The following SFTPD variants were observed in gnomAD, a reference collection of about 807,000 sequenced individuals.
SFTPD encodes the protein pulmonary surfactant-associated protein D.
A neutral mutation model predicts 34.6 loss-of-function variants in SFTPD; 18 were observed. The ratio of observed to expected loss-of-function variants is 0.52; its 90% confidence interval spans 0.36 to 0.77. The LOEUF (loss-of-function observed/expected upper bound fraction) is 0.77, where lower values mean the gene tolerates loss of function less well. SFTPD is among the 30% of genes least tolerant of loss of function. SFTPD has a pLI of 0.00. For missense variants in SFTPD, 433 were observed against 468.9 expected (o/e 0.92, Z 0.71); for synonymous variants, 155 against 180.9 (o/e 0.86, Z 1.15).
intron 1 of SFTPD, chr10:79,982,359 C>T: frequency 9.7e-7 from 1 of 1,034,028 alleles, no homozygotes; most frequent in Non-Finnish European, 1.3e-6. Flanking sequence ...GCCCTGGCAG[C>T]CCCGCGCAGC....
intron 1 of SFTPD, among the ~76,000 whole-genome samples, chr10:79,963,304 C>T (rs1364567931): frequency 6.6e-6 from 1 of 151,272 alleles, no homozygotes; most frequent in South Asian, 2.1e-4. Flanking sequence ...TGAGCTATGA[C>T]CACCACTGCA....
At chr10:79,956,431 A>G (rs796407281) in intron 1 of SFTPD, among the ~76,000 whole-genome samples, 1 of 152,268 alleles carries the variant, frequency 6.6e-6, no homozygotes, top group Admixed American at 6.5e-5. Context: ...TGGCACCTGG[A>G]AAATCGGGTC....
intron 1 of SFTPD, among the ~76,000 whole-genome samples, chr10:79,977,921 C>A (rs1842871725): frequency 6.6e-6 from 1 of 152,176 alleles, no homozygotes; most frequent in Admixed American, 6.5e-5. Context: ...AACCTGTTCT[C>A]CAGCACCACC....
At chr10:79,965,433 C>T (rs868199104) in intron 1 of SFTPD, among the ~76,000 whole-genome samples, 54 of 152,082 alleles carry the variant, frequency 3.6e-4, no homozygotes, top group South Asian at 6.2e-4. Context: ...CACATCGCCC[C>T]TAATCCCGCT....
At chr10:79,954,984 A>G (rs1458186864) in intron 1 of SFTPD, among the ~76,000 whole-genome samples, 1 of 152,142 alleles carries the variant, frequency 6.6e-6, no homozygotes, top group Non-Finnish European at 1.5e-5. Context: ...CACTTGATAC[A>G]CCACTTCCTT....
intron 1 of SFTPD, among the ~76,000 whole-genome samples, chr10:79,957,360 A>G (rs1842746117): frequency 6.6e-6 from 1 of 152,214 alleles, no homozygotes; most frequent in Non-Finnish European, 1.5e-5. Flanking sequence ...TCGGAGCTAC[A>G]GGAGGAAATT....
chr10:79,977,201 CA>C (rs1842868142), intron 1 of SFTPD, among the ~76,000 whole-genome samples: 1 of 152,146 alleles, frequency 6.6e-6, no homozygotes, highest in African/African-American at 2.4e-5. Flanking sequence ...GGCTGGGTGC[CA>C]AGGATTTATT....
chr10:79,943,936 T>C (rs560827065), intron 2 of SFTPD, among the ~76,000 whole-genome samples: 1 of 152,306 alleles, frequency 6.6e-6, no homozygotes, highest in African/African-American at 2.4e-5. Context: ...AATGTCACTC[T>C]CCAGAAGAGA....
intron 1 of SFTPD, chr10:79,981,843 C>T (rs1240157168): frequency 1.4e-5 from 3 of 221,880 alleles, no homozygotes; most frequent in East Asian, 3.3e-4. Context: ...GCCTTCATGG[C>T]GCACCAGAAC....
Position 79,940,820 on chromosome 10 carries a change from T to C in SFTPD, c.668-32A>G, listed in dbSNP as rs1842603810. 8.3e-6 allele frequency: 12 copies of C among 1,447,252 alleles called. No individual in the cohort carries two copies. In the East Asian group the frequency reaches 2.0e-4, roughly 25 times the overall value. The allele number at this position is 1,447,252 out of a possible 1,614,324, so 89.7% of individuals were successfully genotyped here. ...GGGAGAAAATGGCCAAGTAAAGACT[T>C]GTCCAGAGAGCGAAGGAAGAGCTCA... On this transcript the variant is annotated intron_variant, in intron 6 of 7. Coordinates refer to ENST00000372292, the MANE Select transcript of SFTPD (RefSeq NM_003019.5).
chr10:79,974,395 C>T (rs1036966830), intron 1 of SFTPD, among the ~76,000 whole-genome samples: 1 of 151,836 alleles, frequency 6.6e-6, no homozygotes. Flanking sequence ...ATGATCTGCC[C>T]GCCTCAGCCT....
chr10:79,971,873 C>T (rs1842836758), intron 1 of SFTPD: 1 of 152,100 alleles, frequency 6.6e-6, no homozygotes, highest in Non-Finnish European at 1.5e-5. Context: ...ACCTGGATGT[C>T]TATATCTCTT....
At chr10:79,944,368 G>C (rs1842644844) in intron 2 of SFTPD, among the ~76,000 whole-genome samples, 1 of 152,208 alleles carries the variant, frequency 6.6e-6, no homozygotes, top group Non-Finnish European at 1.5e-5. Context: ...AGCATAGGGT[G>C]TGTTGGGGGT....
At chr10:79,941,844 G>A in intron 5 of SFTPD, 110 bp downstream of exon 5, 1 of 761,458 alleles carries the variant, frequency 1.3e-6, no homozygotes, top group South Asian at 1.6e-5. Flanking sequence ...CCATGTTCCA[G>A]CGATACCACC....
At chr10:79,948,694 GT>G (rs1347379573) in intron 1 of SFTPD, among the ~76,000 whole-genome samples, 1 of 152,152 alleles carries the variant, frequency 6.6e-6, no homozygotes, top group East Asian at 1.9e-4. Context: ...GAGTGCCTGG[GT>G]TTGTCTCTCT....
intron 1 of SFTPD, among the ~76,000 whole-genome samples, chr10:79,954,908 C>G (rs1306762156): frequency 6.6e-6 from 1 of 152,170 alleles, no homozygotes; most frequent in Non-Finnish European, 1.5e-5. Flanking sequence ...GCTTCTAGCA[C>G]TCCCATTATC....
In SFTPD at chr10:79,974,601, T is replaced by C. The variant is rs1842854166; in HGVS notation, c.36+7974A>G. Among the ~76,000 whole-genome samples the C allele has an allele frequency of 2.0e-5, 3 of 152,252 alleles. No homozygotes were observed. In the South Asian group the frequency reaches 6.2e-4, roughly 31 times the overall value. On this transcript the variant is annotated intron_variant, in intron 1 of 5. Coordinates refer to the SFTPD transcript ENST00000444384. ...TTAAGATACATACAAAATATATCTC[T>C]ATGTATATATACCTCTCCATCTATC... is the stretch of plus-strand genomic sequence containing the variant.
intron 7 of SFTPD, 34 bp from the exon 8 acceptor site, chr10:79,938,262 G>A (rs1842577886): frequency 1.9e-6 from 3 of 1,554,038 alleles, no homozygotes; most frequent in Non-Finnish European, 2.6e-6. Flanking sequence ...TGGGGTTGTG[G>A]CATCACCTGG....
chr10:79,974,935 C>T (rs148979290), intron 1 of SFTPD, among the ~76,000 whole-genome samples: 2,807 of 152,294 alleles, frequency 0.018, 98 homozygotes, highest in African/African-American at 0.064. Flanking sequence ...ATTCGATTAA[C>T]TAAAAGTATC....
Sources: allele counts gnomAD v4.1 joint callset (sites outside exome capture counted in the v4.1 genomes callset), GRCh38; gene constraint gnomAD v4.1.1; transcripts MANE v1.5; gene names NCBI Gene and HGNC (gene_info 2026-07-23, HGNC 2026-07-21).